Variants in KIAA1217 observed in about 807,000 individuals in gnomAD.
KIAA1217 encodes KIAA1217, also known as sickle tail protein homolog.
Under a neutral mutation model 163.9 loss-of-function variants are expected in KIAA1217, and 88 were observed. The observed-to-expected ratio is 0.54, with a 90% CI of 0.45 to 0.64. The LOEUF (loss-of-function observed/expected upper bound fraction) is 0.64, where lower values mean the gene tolerates loss of function less well. Ranked by LOEUF, KIAA1217 falls within the 30% of genes least tolerant of loss-of-function variation. The pLI is 0.00. For synonymous variants in KIAA1217, 903 were observed against 923.1 expected (o/e 0.98, Z 0.39); for missense variants, 2,372 against 2,475.0 (o/e 0.96, Z 0.88).
intron 2 of KIAA1217, among the ~76,000 whole-genome samples, chr10:24,192,431 A>G (rs377591723): frequency 3.9e-5 from 6 of 152,242 alleles, no homozygotes; most frequent in South Asian, 2.1e-4. Flanking sequence ...TGTTTTCTCA[A>G]TGTCAAGGTA....
chr10:24,432,749 C>G (rs1591882873), intron 3 of KIAA1217, among the ~76,000 whole-genome samples: 2 of 152,170 alleles, frequency 1.3e-5, no homozygotes, highest in East Asian at 3.9e-4. Flanking sequence ...GCCATTGCAC[C>G]CAGCCCTTGA....
intron 2 of KIAA1217, among the ~76,000 whole-genome samples, chr10:24,352,873 C>T (rs1009317633): frequency 5.3e-5 from 8 of 151,578 alleles, no homozygotes; most frequent in African/African-American, 1.7e-4. Flanking sequence ...AAAGTGCAAG[C>T]GAAAGGAGGG....
Position 23,965,816 on chromosome 10 carries a change from A to C in KIAA1217, c.-320-41409A>C, listed in dbSNP as rs1481928337. Among the ~76,000 whole-genome samples, 3 of 152,156 alleles carry C rather than the reference A, an allele frequency of 2.0e-5. No homozygotes were observed. In the East Asian group the frequency reaches 5.8e-4, roughly 29 times the overall value. On this transcript the variant is annotated intron_variant, in intron 1 of 18. Transcript: ENST00000376462. ...GGCTAAGGATACTGGGGAAAGAAGC[A>C]CCATACTCTGTACCCACAGGGTCTC...
Position 24,493,936 on chromosome 10 carries a change from A to T in KIAA1217, c.1680-564A>T, listed in dbSNP as rs182797332. 1.3e-5 allele frequency among the ~76,000 whole-genome samples: 2 copies of T among 152,288 alleles called. 1 individual carries two copies. The highest frequency in any genetic ancestry group is 3.9e-4 in the East Asian group (2 of 5,184). ...CGGCTTCCCAAAGTGCTGGGATTAC[A>T]GGTGTGAGCCACCGCGCCCGGCCGG... is the stretch of plus-strand genomic sequence containing the variant. On this transcript the variant is annotated intron_variant, in intron 6 of 20. Coordinates refer to ENST00000376454, the MANE Select transcript of KIAA1217 (RefSeq NM_019590.5).
At chr10:23,889,279 A>G (rs1841321950) in intron 1 of KIAA1217, among the ~76,000 whole-genome samples, 1 of 151,838 alleles carries the variant, frequency 6.6e-6, no homozygotes, top group Admixed American at 6.6e-5. Context: ...CCTGAAATGT[A>G]TGAGAGTTTC....
intron 1 of KIAA1217, among the ~76,000 whole-genome samples, chr10:23,931,753 A>T (rs1186563579): frequency 6.6e-6 from 1 of 152,218 alleles, no homozygotes; most frequent in East Asian, 1.9e-4. Flanking sequence ...TATGGCAGAT[A>T]TGCAGTTTCT....
At chr10:23,767,179 C>G (rs772413439) in intron 1 of KIAA1217, among the ~76,000 whole-genome samples, 2 of 152,086 alleles carry the variant, frequency 1.3e-5, no homozygotes, top group Non-Finnish European at 2.9e-5. Flanking sequence ...GCTATGAATA[C>G]GTATAAAGTG....
rs189043365 is a variant in KIAA1217, at chr10:24,525,527, G to A, written c.2898+763G>A. ...CAGAGAAATGCTGCAGCTCTAATCC[G>A]TGATTTTTTTTAAATGGCATCTTCT... On this transcript the variant is annotated intron_variant, in intron 13 of 20. Transcript: ENST00000376454. 2.0e-4 allele frequency among the ~76,000 whole-genome samples: 31 copies of A among 152,322 alleles called. 1 individual carries two copies. Among genetic ancestry groups the A allele is most frequent in the Admixed American group, 2.6e-4 (4 of 15,298 alleles).
At chr10:24,048,829 G>A (rs190079496) in intron 2 of KIAA1217, among the ~76,000 whole-genome samples, 2,148 of 151,566 alleles carry the variant, frequency 0.014, 52 homozygotes, top group African/African-American at 0.049. Flanking sequence ...TCAGGGGTTC[G>A]AGACCAGCCT....
intron 5 of KIAA1217, among the ~76,000 whole-genome samples, chr10:24,471,385 C>T (rs545177212): frequency 6.6e-6 from 1 of 152,310 alleles, no homozygotes; most frequent in South Asian, 2.1e-4. Flanking sequence ...CTCTCCTTCC[C>T]TCAGTTATTT....
chr10:24,126,521 G>A (rs1214070187), intron 2 of KIAA1217, among the ~76,000 whole-genome samples: 3 of 152,190 alleles, frequency 2.0e-5, no homozygotes, highest in Admixed American at 6.5e-5. Context: ...ATGACAGATT[G>A]TTTCTGCATG....
At position 24,432,806 on chromosome 10, in the gene KIAA1217, C is replaced by T. The variant is rs564706114; in HGVS notation, c.554-189C>T. Among the ~76,000 whole-genome samples, 147 of 152,236 alleles carry T rather than the reference C, an allele frequency of 9.7e-4. 2 individuals are homozygous for T. Among genetic ancestry groups the T allele is most frequent in the African/African-American group, 3.3e-3 (137 of 41,544 alleles). On this transcript the variant is annotated intron_variant, in intron 3 of 20. Transcript: ENST00000376454. ...TAACACCTGCTTGGACTTCAAAGAA[C>T]GAAGGTGAGTACTTACACAATAACC...
At chr10:24,218,811 A>G (rs1470397822) in intron 1 of KIAA1217, among the ~76,000 whole-genome samples, 1 of 152,066 alleles carries the variant, frequency 6.6e-6, no homozygotes, top group Non-Finnish European at 1.5e-5. Context: ...TTCTGATGGT[A>G]TTCTTATGCT....
At chr10:24,342,291 G>A (rs1304315673) in intron 2 of KIAA1217, among the ~76,000 whole-genome samples, 1 of 152,212 alleles carries the variant, frequency 6.6e-6, no homozygotes, top group African/African-American at 2.4e-5. Context: ...GTAGAAGACT[G>A]TGACAACAGA....
chr10:24,523,030 G>A (rs912722965), intron 12 of KIAA1217, among the ~76,000 whole-genome samples: 3 of 152,008 alleles, frequency 2.0e-5, no homozygotes, highest in East Asian at 1.9e-4. Flanking sequence ...GCACGTGCTC[G>A]TAATCCCAGC....
chr10:23,963,450 C>CT (rs1166056145), intron 1 of KIAA1217, among the ~76,000 whole-genome samples: 2 of 152,214 alleles, frequency 1.3e-5, no homozygotes, highest in African/African-American at 4.8e-5. Context: ...TGAACTCATC[C>CT]TTTTTTATGG....
At chr10:24,485,495 C>T (rs1217632506) in intron 6 of KIAA1217, among the ~76,000 whole-genome samples, 1 of 152,196 alleles carries the variant, frequency 6.6e-6, no homozygotes. Flanking sequence ...CCAAATGCCA[C>T]CAGCTCAGGG....
intron 1 of KIAA1217, among the ~76,000 whole-genome samples, chr10:23,832,544 T>A (rs1004230418): frequency 1.3e-5 from 2 of 152,106 alleles, no homozygotes; most frequent in African/African-American, 4.8e-5. Flanking sequence ...GTTCCAACCC[T>A]CTAATAACAT....
intron 1 of KIAA1217, among the ~76,000 whole-genome samples, chr10:23,887,669 G>T (rs1369807666): frequency 2.6e-5 from 4 of 151,632 alleles, no homozygotes; most frequent in African/African-American, 9.7e-5. Context: ...TGACAATCCA[G>T]ATGTGATTAC....
Sources: gnomAD v4.1 joint callset for allele counts (sites outside exome capture counted in the v4.1 genomes callset) on GRCh38, gnomAD v4.1.1 for gene constraint, MANE v1.5 for transcripts, NCBI Gene and HGNC (gene_info 2026-07-23, HGNC 2026-07-21) for gene names.